Variants in PPP1R12A observed in about 807,000 individuals in gnomAD.
PPP1R12A encodes protein phosphatase 1 regulatory subunit 12A.
Under a neutral mutation model 139.6 loss-of-function variants are expected in PPP1R12A, and 19 were observed. The observed-to-expected ratio is 0.14, with a 90% CI of 0.09 to 0.20. The LOEUF (loss-of-function observed/expected upper bound fraction) is 0.20. Ranked by LOEUF, PPP1R12A falls within the 10% of genes least tolerant of loss-of-function variation. The pLI, the probability that PPP1R12A is intolerant of heterozygous loss-of-function variation, is 1.00. For synonymous variants in PPP1R12A, 427 were observed against 420.6 expected (o/e 1.02, Z -0.19); for missense variants, 925 against 1,211.5 (o/e 0.76, Z 3.51).
chr12:79,779,816 A>T, intron 23 of PPP1R12A: 7 of 162,532 alleles, frequency 4.3e-5, no homozygotes, highest in East Asian at 1.6e-4. Context: ...AGACAAGAAA[A>T]CTACACCCAA....
chr12:79,778,422 A>G, intron 24 of PPP1R12A, 128 bp downstream of exon 24: 1 of 551,980 alleles, frequency 1.8e-6, no homozygotes, highest in Admixed American at 4.2e-5. Context: ...GAGAAGCACC[A>G]GATATAGACA....
intron 19 of PPP1R12A, among the ~76,000 whole-genome samples, chr12:79,791,406 C>T (rs1487264149): frequency 6.6e-6 from 1 of 152,154 alleles, no homozygotes; most frequent in Admixed American, 6.5e-5. Context: ...CAGCTCACTA[C>T]AGCCTCGACC....
chr12:79,874,959 T>C (rs1363577890), intron 1 of PPP1R12A, among the ~76,000 whole-genome samples: 1 of 152,140 alleles, frequency 6.6e-6, no homozygotes, highest in Admixed American at 6.5e-5. Flanking sequence ...GCTGATTCCT[T>C]CTCATTAAAC....
At chr12:79,856,257 T>C (rs1048599943) in intron 2 of PPP1R12A, among the ~76,000 whole-genome samples, 9 of 152,222 alleles carry the variant, frequency 5.9e-5, no homozygotes, top group African/African-American at 2.2e-4. Flanking sequence ...TGCCCAGTCT[T>C]ATCTGCTACC....
At chr12:79,813,959 T>C (rs1395412915) in intron 9 of PPP1R12A, among the ~76,000 whole-genome samples, 1 of 152,152 alleles carries the variant, frequency 6.6e-6, no homozygotes, top group Non-Finnish European at 1.5e-5. Context: ...TATCTAAATA[T>C]TAGAAGTGGA....
At chr12:79,822,213 T>A in intron 5 of PPP1R12A, 23 bp from the exon 6 acceptor site, 1 of 1,512,746 alleles carries the variant, frequency 6.6e-7, no homozygotes, top group Non-Finnish European at 9.1e-7. Flanking sequence ...CAAGGGGGGA[T>A]GGTGATGGTC....
intron 3 of PPP1R12A, among the ~76,000 whole-genome samples, chr12:79,833,654 G>A (rs573518519): frequency 2.0e-4 from 25 of 128,186 alleles, no homozygotes; most frequent in Non-Finnish European, 2.9e-4. Flanking sequence ...GTGACACCCC[G>A]TCTCTACTAA....
intron 2 of PPP1R12A, among the ~76,000 whole-genome samples, chr12:79,860,987 T>C (rs1881248187): frequency 1.3e-5 from 2 of 152,118 alleles, no homozygotes; most frequent in Admixed American, 1.3e-4. Context: ...GGAAAGACAG[T>C]GACACAGGTT....
intron 1 of PPP1R12A, among the ~76,000 whole-genome samples, chr12:79,893,848 AG>A (rs1282695060): frequency 1.3e-5 from 2 of 152,206 alleles, no homozygotes; most frequent in Non-Finnish European, 2.9e-5. Context: ...ATATCCTTCA[AG>A]GCAAAAAGAT....
At chr12:79,889,548 T>C (rs955934968) in intron 1 of PPP1R12A, among the ~76,000 whole-genome samples, 3 of 152,224 alleles carry the variant, frequency 2.0e-5, no homozygotes, top group Non-Finnish European at 4.4e-5. Flanking sequence ...ACAACATTTG[T>C]ACTGTTCACT....
In PPP1R12A at chr12:79,828,664, A is replaced by G. The variant is rs115254739; in HGVS notation, c.648-200T>C. On this transcript the variant is annotated intron_variant, in intron 4 of 24. Coordinates refer to ENST00000450142, the MANE Select transcript of PPP1R12A (RefSeq NM_002480.3). ...ACTCAGAAAAAGAGGATCTTGAGTC[A>G]TTGCCATAATAATGCAGTTTTAATT... Among the ~76,000 whole-genome samples, 823 of 152,248 alleles carry G rather than the reference A, an allele frequency of 5.4e-3. 5 individuals are homozygous for G. Among genetic ancestry groups the G allele is most frequent in the African/African-American group, 0.019 (782 of 41,564 alleles).
chr12:79,791,719 T>G (rs1230465212), intron 19 of PPP1R12A, among the ~76,000 whole-genome samples: 3 of 152,228 alleles, frequency 2.0e-5, no homozygotes, highest in African/African-American at 7.2e-5. Context: ...TATAGTTCAG[T>G]ATTTTTAATT....
At chr12:79,832,988 C>T (rs1285846267) in intron 3 of PPP1R12A, among the ~76,000 whole-genome samples, 5 of 152,164 alleles carry the variant, frequency 3.3e-5, no homozygotes, top group Non-Finnish European at 7.3e-5. Context: ...CCCTTCATTT[C>T]CTTTTCCAAC....
chr12:79,779,333 A>G, intron 23 of PPP1R12A: 1 of 1,289,104 alleles, frequency 7.8e-7, no homozygotes, highest in Non-Finnish European at 1.0e-6. Flanking sequence ...CCCAGAAGAT[A>G]CTGACTCTTG....
chr12:79,906,552 C>A (rs1184309830), intron 1 of PPP1R12A, among the ~76,000 whole-genome samples: 1 of 151,944 alleles, frequency 6.6e-6, no homozygotes, highest in Non-Finnish European at 1.5e-5. Context: ...AAAAAAGCAG[C>A]TTGCTTTAAA....
intron 3 of PPP1R12A, among the ~76,000 whole-genome samples, chr12:79,842,183 G>T (rs1878797567): frequency 6.6e-6 from 1 of 152,054 alleles, no homozygotes; most frequent in Non-Finnish European, 1.5e-5. Flanking sequence ...AGCCAGGTGA[G>T]GTGGCATGCG....
chr12:79,854,382 C>A (rs1458183494), intron 2 of PPP1R12A, among the ~76,000 whole-genome samples: 1 of 152,134 alleles, frequency 6.6e-6, no homozygotes, highest in African/African-American at 2.4e-5. Context: ...TGGCTTCCTA[C>A]TGTACTTTTT....
At chr12:79,871,595 AT>A (rs1265351401) in intron 2 of PPP1R12A, among the ~76,000 whole-genome samples, 3 of 152,166 alleles carry the variant, frequency 2.0e-5, no homozygotes, top group African/African-American at 7.2e-5. Flanking sequence ...TGCCAAGGTT[AT>A]ACTCCTTGAT....
At chr12:79,867,557 G>A (rs1388063970) in intron 2 of PPP1R12A, among the ~76,000 whole-genome samples, 1 of 151,976 alleles carries the variant, frequency 6.6e-6, no homozygotes, top group African/African-American at 2.4e-5. Context: ...CCCTACTGAA[G>A]GTAGATAGCA....
Sources: allele counts gnomAD v4.1 joint callset (sites outside exome capture counted in the v4.1 genomes callset), GRCh38; gene constraint gnomAD v4.1.1; transcripts MANE v1.5; gene names NCBI Gene and HGNC (gene_info 2026-07-23, HGNC 2026-07-21).